The following STK10 variants were observed in gnomAD, a reference collection of about 807,000 sequenced individuals.
The protein encoded by STK10 is serine/threonine-protein kinase 10.
A neutral mutation model predicts 113.8 loss-of-function variants in STK10; 78 were observed. The ratio of observed to expected loss-of-function variants is 0.69; its 90% confidence interval spans 0.57 to 0.83. The LOEUF (loss-of-function observed/expected upper bound fraction) is 0.83, where lower values mean the gene tolerates loss of function less well. STK10 is among the 40% of genes least tolerant of loss of function. STK10 has a pLI of 0.00. For missense variants in STK10, 1,109 were observed against 1,280.1 expected (o/e 0.87, Z 2.04); for synonymous variants, 465 against 494.7 (o/e 0.94, Z 0.80).
chr5:172,115,539 C>T (rs1769363149), intron 4 of STK10, among the ~76,000 whole-genome samples: 1 of 152,170 alleles, frequency 6.6e-6, no homozygotes, highest in African/African-American at 2.4e-5. Flanking sequence ...TGTATTTCTT[C>T]TCCAATTTGG....
intron 1 of STK10, among the ~76,000 whole-genome samples, chr5:172,157,591 T>A (rs1412457832): frequency 2.0e-5 from 3 of 152,012 alleles, no homozygotes; most frequent in Admixed American, 1.3e-4. Flanking sequence ...TGTTTAAAAA[T>A]TTTTTTTGTT....
chr5:172,159,465 C>T (rs1268817918), intron 1 of STK10, among the ~76,000 whole-genome samples: 1 of 152,080 alleles, frequency 6.6e-6, no homozygotes, highest in Non-Finnish European at 1.5e-5. Context: ...TCACTTGAGC[C>T]CAGGAGACGG....
rs536675080 is a variant in STK10, at chr5:172,093,721, G to A, written c.1245C>T (p.Pro415=). The part of the protein sequence containing the change: ...AVPVPLRKSR[P]VSMDARIQVA... ...CCTGAATTCTGGCATCCATTGACAC[G>A]GGTCGGGACTTCCGCAGGGGCACAG... is the stretch of plus-strand genomic sequence containing the variant. Residue 415 remains proline (P), a synonymous_variant, in exon 9 of 19, where the codon CCC becomes CCT. Transcript: ENST00000176763. This position sits in a 1 kb window ranked among gnomAD's most constrained non-coding sequence, Gnocchi z 4.1. The A allele has an allele frequency of 6.8e-6, 11 of 1,614,080 alleles. 1 individual carries two copies. The highest frequency in any genetic ancestry group is 6.7e-5 in the East Asian group (3 of 44,874).
At chr5:172,080,755 C>T (rs894807840) in intron 12 of STK10, among the ~76,000 whole-genome samples, 3 of 151,634 alleles carry the variant, frequency 2.0e-5, no homozygotes, top group Admixed American at 2.0e-4. Flanking sequence ...ATGCCATCTC[C>T]ATAACGTGAA....
chr5:172,065,886 C>T (rs2113708646), intron 12 of STK10, among the ~76,000 whole-genome samples: 1 of 152,310 alleles, frequency 6.6e-6, no homozygotes, highest in Non-Finnish European at 1.5e-5. Context: ...TGGCAACACT[C>T]CTGCCCTCCT....
chr5:172,121,563 T>C (rs1046459336), intron 3 of STK10, among the ~76,000 whole-genome samples: 4 of 151,690 alleles, frequency 2.6e-5, no homozygotes, highest in African/African-American at 9.7e-5. Context: ...TCCCAGCACT[T>C]CGGGAGGTGG....
At position 172,060,948 on chromosome 5, in the gene STK10, TG is replaced by T. The variant is rs111745548; in HGVS notation, c.2212+190del. 6.2e-3 allele frequency among the ~76,000 whole-genome samples: 950 copies of T among 152,342 alleles called. 15 individuals are homozygous for T. The highest frequency in any genetic ancestry group is 0.022 in the African/African-American group (921 of 41,584). The stretch of plus-strand genomic sequence containing the variant: ...CTGGAATAATCTCAAATAGTCTTGG[TG>T]ACAACTGGTGTCCTTACCTCGTTCC... On this transcript the variant is annotated intron_variant, in intron 14 of 18. Transcript: ENST00000176763.
In STK10 at chr5:172,107,889, T is replaced by C. The variant is rs375384255; in HGVS notation, c.521-37A>G. The C allele has an allele frequency of 6.9e-6, 11 of 1,601,122 alleles. No individual in the cohort carries two copies. The African/African-American group carries it at 8.0e-5, about 12-fold the overall frequency. ...AATCTCAGCTAGCGTTTTCCACCCA[T>C]AGCCCTGGGGTAAAAGCCGGGGATG... On this transcript the variant is annotated intron_variant, in intron 4 of 18. Coordinates refer to ENST00000176763, the MANE Select transcript of STK10 (RefSeq NM_005990.4).
At chr5:172,152,752 C>T (rs776885860) in intron 2 of STK10, among the ~76,000 whole-genome samples, 1 of 152,166 alleles carries the variant, frequency 6.6e-6, no homozygotes, top group Non-Finnish European at 1.5e-5. Flanking sequence ...GACATCTAAA[C>T]ACAGATCAAG....
At chr5:172,156,493 C>A in intron 2 of STK10, 131 bp downstream of exon 2, 1 of 1,210,778 alleles carries the variant, frequency 8.3e-7, no homozygotes, top group Non-Finnish European at 1.1e-6. Context: ...CTCCCTACTT[C>A]ACCATCTCCT....
intron 1 of STK10, among the ~76,000 whole-genome samples, chr5:172,170,138 T>C (rs1283836653): frequency 1.0e-4 from 15 of 148,418 alleles, no homozygotes; most frequent in Non-Finnish European, 1.2e-4. Context: ...TTTTTTTTTT[T>C]CAGTATGTAT....
In STK10 at chr5:172,179,879, G is replaced by C. The variant is rs138490374; in HGVS notation, c.156+8008C>G. Among the ~76,000 whole-genome samples, 99 of 152,264 alleles carry C rather than the reference G, an allele frequency of 6.5e-4. 1 individual carries two copies. The highest frequency in any genetic ancestry group is 2.3e-3 in the African/African-American group (97 of 41,552). ...TGAAAGGAGAAGACTCTGGCTCAGG[G>C]ACGGGCAAGACGGCCTGGGAGGGCT... On this transcript the variant is annotated intron_variant, in intron 1 of 18. Transcript: ENST00000176763.
intron 1 of STK10, among the ~76,000 whole-genome samples, chr5:172,169,242 C>T (rs1770623173): frequency 6.6e-6 from 1 of 152,198 alleles, no homozygotes; most frequent in Admixed American, 6.5e-5. Flanking sequence ...ATCTGCATCA[C>T]AGATTCTCTG....
chr5:172,085,780 C>T (rs982206230), intron 10 of STK10, among the ~76,000 whole-genome samples: 11 of 152,112 alleles, frequency 7.2e-5, no homozygotes, highest in Non-Finnish European at 1.5e-4. Context: ...AGAACCTAGG[C>T]CTCCTGACTG....
intron 2 of STK10, among the ~76,000 whole-genome samples, chr5:172,149,291 G>A (rs1483810520): frequency 3.3e-5 from 5 of 152,216 alleles, no homozygotes; most frequent in African/African-American, 1.2e-4. Context: ...TCATCATGTT[G>A]CTGCCTCCTT....
rs779267416 is a variant in STK10 at position 172,044,326 on chromosome 5, G to T, written c.*556C>A. On this transcript the variant is annotated 3_prime_UTR_variant, in exon 19 of 19. Transcript: ENST00000176763. The surrounding 1 kb of genome is among the most constrained non-coding windows in gnomAD (Gnocchi z 4.5). ...ACATAGACAAGGCTTTGTCTTAAGT[G>T]GAAAGCAAACTGGGAGAACAGGAGG... The T allele has an allele frequency of 6.4e-6, 1 of 155,798 alleles. No homozygotes were observed. The highest frequency in any genetic ancestry group is 1.4e-5 in the Non-Finnish European group (1 of 70,270). 9.7% of individuals were successfully genotyped at this position (155,798 alleles called of 1,614,324 possible).
At chr5:172,115,174 T>C (rs1769350723) in intron 4 of STK10, 1 of 152,462 alleles carries the variant, frequency 6.6e-6, no homozygotes, top group Non-Finnish European at 1.5e-5. Context: ...CCACCCTCCG[T>C]GCCAGAGACT....
At chr5:172,083,143 T>C (rs1768472804) in intron 10 of STK10, 59 bp from the exon 11 acceptor site, 12 of 1,606,340 alleles carry the variant, frequency 7.5e-6, no homozygotes, top group Middle Eastern at 1.7e-4. Flanking sequence ...GAGATCACAA[T>C]ATTTGCAACT....
chr5:172,063,339 T>A lies in STK10; in HGVS notation c.2082+1381A>T, dbSNP rs190874968. The A allele has an allele frequency of 3.3e-5, 5 of 152,304 alleles. No individual in the cohort carries two copies. The East Asian group carries it at 9.6e-4, about 29-fold the overall frequency. The allele number at this position is 152,304 out of a possible 1,614,324, so 9.4% of individuals were successfully genotyped here. The stretch of plus-strand genomic sequence containing the variant: ...ATAATGTGATCTTCTATCACATGTG[T>A]TTGAATGGCTGAAAATATTTCATGC... On this transcript the variant is annotated intron_variant, in intron 13 of 18. Transcript: ENST00000176763.
Sources: gnomAD v4.1 joint callset for allele counts (sites outside exome capture counted in the v4.1 genomes callset) on GRCh38, gnomAD v4.1.1 for gene constraint, Gnocchi (gnomAD v3.1) non-coding constraint, MANE v1.5 for transcripts, NCBI Gene and HGNC (gene_info 2026-07-23, HGNC 2026-07-21) for gene names.